WNK4: variants seen among roughly 807,000 people sequenced by gnomAD.
WNK4 encodes the protein serine/threonine-protein kinase WNK4.
In WNK4, 94 loss-of-function variants were observed where a neutral mutation model predicts 116.2. The observed-to-expected ratio is 0.81, with a 90% confidence interval of 0.68 to 0.96. The LOEUF is 0.96. Ranked by LOEUF, WNK4 falls within the 40% of genes least tolerant of loss-of-function variation. WNK4 has a pLI of 0.00. For missense variants in WNK4, 1,542 were observed against 1,650.6 expected (o/e 0.93, Z 1.14); for synonymous variants, 655 against 672.7 (o/e 0.97, Z 0.41).
chr17:42,781,160 G>A lies in WNK4; in HGVS notation c.462G>A (p.Gln154=). 6.2e-7 allele frequency: 1 copy of A among 1,614,142 alleles called. No individual in the cohort carries two copies. Among genetic ancestry groups the A allele is most frequent in the African/African-American group, 1.3e-5 (1 of 75,068 alleles). Residue 154 remains glutamine (Q), a synonymous_variant, in exon 1 of 19, where the codon CAG becomes CAA. Transcript: ENST00000246914. Reference sequence around the variant, plus strand: ...TGGCCCTAGAGCGGCGGCGGGAGCAGGAAGAAAAGGAGGACATGGAGACCC... The same window carrying A: ...TGGCCCTAGAGCGGCGGCGGGAGCAAGAAGAAAAGGAGGACATGGAGACCC... The part of the protein sequence containing the change: ...EAVALERRRE[Q]EEKEDMETQA...
intron 6 of WNK4, among the ~76,000 whole-genome samples, chr17:42,786,745 A>G (rs2054553495): frequency 6.6e-6 from 1 of 152,202 alleles, no homozygotes; most frequent in Admixed American, 6.5e-5. Context: ...GAGACCACCT[A>G]CGGTAGGTCA....
chr17:42,785,936 G>A (rs1464896094), intron 6 of WNK4, among the ~76,000 whole-genome samples: 1 of 152,130 alleles, frequency 6.6e-6, no homozygotes, highest in African/African-American at 2.4e-5. Flanking sequence ...ACCTGAATAA[G>A]TTCCTATCTT....
chr17:42,787,211 A>AGGC, intron 6 of WNK4, 67 bp from the exon 7 acceptor site: 5 of 1,604,212 alleles, frequency 3.1e-6, no homozygotes, highest in Non-Finnish European at 4.2e-6. Flanking sequence ...GTTCCCAAGA[A>AGGC]GGCGTCCTGA....
rs895744241 is a variant in WNK4 at position 42,793,678 on chromosome 17, G to C, written c.2244G>C (p.Leu748Phe). Residue 748 changes from leucine (L) to phenylalanine (F), a missense_variant, in exon 12 of 19, where the codon TTG becomes TTC. Around this residue, in one of 7 missense-constraint regions of WNK4, gnomAD observed 808 missense variants for 873.6 expected, o/e 0.92. Transcript: ENST00000246914. ...TTATCCAGCGAGTGGAGACCCTGTT[G>C]AAGAGAGACACTGGCCCCATGGAGG... The part of the protein sequence containing the change: ...REIIQRVETL[L>F]KRDTGPMEAA... The C allele has an allele frequency of 1.9e-6, 3 of 1,613,966 alleles. No homozygotes were observed. The African/African-American group carries it at 4.0e-5, about 22-fold the overall frequency.
At position 42,782,744 on chromosome 17, in the gene WNK4, C is replaced by T. The variant is rs2054498744; in HGVS notation, c.619-14C>T. On this transcript the variant is annotated splice_polypyrimidine_tract_variant and intron_variant, in intron 1 of 18. Transcript: ENST00000246914. This position sits in a 1 kb window ranked among gnomAD's most constrained non-coding sequence, Gnocchi z 4.2. Reference sequence around the variant, plus strand: ...GTCCTGGGCCTGACATGACACCCGTCCCCCATCCCACAGACTCGGAAACTG... The same window carrying T: ...GTCCTGGGCCTGACATGACACCCGTTCCCCATCCCACAGACTCGGAAACTG... The T allele has an allele frequency of 5.6e-6, 9 of 1,613,782 alleles. No individual in the cohort carries two copies. The Admixed American group carries it at 1.2e-4, about 21-fold the overall frequency.
In WNK4 at chr17:42,788,499, G is replaced by A. The variant is rs563929372; in HGVS notation, c.2040+92G>A. On this transcript the variant is annotated intron_variant, in intron 10 of 18. Transcript: ENST00000246914. Reference sequence around the variant, plus strand: ...GGGGGAGGTCACCCAGAAAACGGGAGAAGCAGTGTATGACTAGTACTCAAG... The same window carrying A: ...GGGGGAGGTCACCCAGAAAACGGGAAAAGCAGTGTATGACTAGTACTCAAG... The A allele has an allele frequency of 2.2e-6, 3 of 1,366,326 alleles. No homozygotes were observed. In the African/African-American group the frequency reaches 4.3e-5, roughly 20 times the overall value. The allele number at this position is 1,366,326 out of a possible 1,614,324, so 84.6% of individuals were successfully genotyped here.
chr17:42,795,437 T>C, intron 14 of WNK4, 24 bp from the exon 15 acceptor site: 1 of 1,614,138 alleles, frequency 6.2e-7, no homozygotes, highest in East Asian at 2.2e-5. Flanking sequence ...CACTCTTCCC[T>C]TCTCATGGCC....
In WNK4 at chr17:42,796,945, A is replaced by G. The variant is rs111588847; in HGVS notation, c.*257A>G. ...CTAGCACCTCCCCTGCCAAGAGTCA[A>G]CCACTAAGCAATCCCACCCAAGCCT... On this transcript the variant is annotated 3_prime_UTR_variant, in exon 19 of 19. Coordinates refer to ENST00000246914, the MANE Select transcript of WNK4 (RefSeq NM_032387.5). The G allele has an allele frequency of 4.8e-5, 32 of 668,304 alleles. 3 individuals are homozygous for G. Among genetic ancestry groups the G allele is most frequent in the Middle Eastern group, 4.3e-4 (1 of 2,350 alleles). 41.4% of individuals were successfully genotyped at this position (668,304 alleles called of 1,614,324 possible).
In WNK4 at chr17:42,784,214, C is replaced by T; in HGVS notation, c.1012+57C>T. Reference sequence around the variant, plus strand: ...CTTCCTCCCCCACCTCAGAAGAGAACCTGGGGACTCCCTCCCCTCAGCAAG... The same window carrying T: ...CTTCCTCCCCCACCTCAGAAGAGAATCTGGGGACTCCCTCCCCTCAGCAAG... On this transcript the variant is annotated intron_variant, in intron 3 of 18. Coordinates refer to ENST00000246914, the MANE Select transcript of WNK4 (RefSeq NM_032387.5). This position sits in a 1 kb window ranked among gnomAD's most constrained non-coding sequence, Gnocchi z 4.4. 3 of 1,594,334 alleles carry T rather than the reference C, an allele frequency of 1.9e-6. No individual in the cohort carries two copies. Among genetic ancestry groups the T allele is most frequent in the Non-Finnish European group, 2.6e-6 (3 of 1,171,724 alleles).
rs1452643330 is a variant in WNK4, at chr17:42,784,162, G to A, written c.1012+5G>A. On this transcript the variant is annotated splice_donor_5th_base_variant and intron_variant, in intron 3 of 18. Coordinates refer to ENST00000246914, the MANE Select transcript of WNK4 (RefSeq NM_032387.5). The surrounding 1 kb of genome is among the most constrained non-coding windows in gnomAD (Gnocchi z 4.4). ...CCTTTGCCAAGAGTGTCATCGGTGC[G>A]TCTCTCCAGGAGGGTCCATGCCATT... The A allele has an allele frequency of 1.9e-6, 3 of 1,604,476 alleles. No homozygotes were observed. Among genetic ancestry groups the A allele is most frequent in the African/African-American group, 1.3e-5 (1 of 75,048 alleles).
rs2054573349 is a variant in WNK4 at position 42,788,287 on chromosome 17, C to T, written c.1923-3C>T. On this transcript the variant is annotated splice_region_variant and splice_polypyrimidine_tract_variant and intron_variant, in intron 9 of 18. Transcript: ENST00000246914. ...GTCATTCTCTCTCCTTTCTCTTTAA[C>T]AGCTATGCCTCAGATGCAGCTTCAG... 2 of 1,614,044 alleles carry T rather than the reference C, an allele frequency of 1.2e-6. No homozygotes were observed. The highest frequency in any genetic ancestry group is 1.7e-6 in the Non-Finnish European group (2 of 1,179,944).
Position 42,794,621 on chromosome 17 carries a change from C to T in WNK4, c.2303C>T (p.Pro768Leu). 6.2e-7 allele frequency: 1 copy of T among 1,613,994 alleles called. No homozygotes were observed. Among genetic ancestry groups the T allele is most frequent in the Non-Finnish European group, 8.5e-7 (1 of 1,179,976 alleles). ...CTCCTTTTTCTGCCTCAGGAGGAGCCAGCACCATTACCTGCCCTGCCCGTC... is the reference window on the plus strand; with the variant it reads ...CTCCTTTTTCTGCCTCAGGAGGAGCTAGCACCATTACCTGCCCTGCCCGTC... ...AEDTLSPQEE[P>L]APLPALPVPL... The change falls in exon 13 of 19, where the codon CCA becomes CTA. Residue 768 changes from proline to leucine, a missense_variant. Physicochemically the swap from Pro to Leu is moderately conservative, Grantham distance 98. Around this residue, in one of 7 missense-constraint regions of WNK4, gnomAD observed 808 missense variants for 873.6 expected, o/e 0.92. Coordinates refer to ENST00000246914, the MANE Select transcript of WNK4 (RefSeq NM_032387.5).
At chr17:42,792,240 AC>A (rs1201311064) in intron 11 of WNK4, among the ~76,000 whole-genome samples, 2 of 152,246 alleles carry the variant, frequency 1.3e-5, no homozygotes, top group Non-Finnish European at 2.9e-5. Context: ...AGAAGTGTCC[AC>A]ACATGGTAGG....
intron 6 of WNK4, 44 bp downstream of exon 6, chr17:42,785,526 CA>C: frequency 6.5e-7 from 1 of 1,548,088 alleles, no homozygotes; most frequent in East Asian, 2.4e-5. Context: ...GTGTAAAGGA[CA>C]TTGACTCGAG....
intron 8 of WNK4, 72 bp from the exon 9 acceptor site, chr17:42,788,058 A>T (rs1249355041): frequency 2.5e-6 from 4 of 1,596,110 alleles, no homozygotes; most frequent in Non-Finnish European, 3.4e-6. Flanking sequence ...TCCTCCCAGC[A>T]TCCTTGACAC....
At chr17:42,786,292 A>G (rs1461552132) in intron 6 of WNK4, among the ~76,000 whole-genome samples, 1 of 152,236 alleles carries the variant, frequency 6.6e-6, no homozygotes, top group Non-Finnish European at 1.5e-5. Flanking sequence ...TGCGGCTAAA[A>G]GGAATGAGGA....
chr17:42,784,368 GGAAGGA>G lies in WNK4; in HGVS notation c.1013-53_1013-48del, dbSNP rs2054518392. 1 of 1,598,194 alleles carries G rather than the reference GGAAGGA, an allele frequency of 6.3e-7. No homozygotes were observed. The highest frequency in any genetic ancestry group is 8.5e-7 in the Non-Finnish European group (1 of 1,172,672). On this transcript the variant is annotated intron_variant, in intron 3 of 18. Transcript: ENST00000246914. The surrounding 1 kb of genome is among the most constrained non-coding windows in gnomAD (Gnocchi z 4.4). Reference sequence around the variant, plus strand: ...TTGCCTGGGGCTGCCTAGCCCAGTGGGAAGGACGAGGCCAGAGTGCCCAGCAATCTG... The same window carrying G: ...TTGCCTGGGGCTGCCTAGCCCAGTGGCGAGGCCAGAGTGCCCAGCAATCTG...
Position 42,781,274 on chromosome 17 carries a change from A to G in WNK4, c.576A>G (p.Leu192=). ...RGSFKTVYRG[L]DTDTTVEVAW... ...CCTTCAAGACGGTGTATCGAGGGCTAGACACCGACACCACAGTGGAGGTGG... is the reference window on the plus strand; with the variant it reads ...CCTTCAAGACGGTGTATCGAGGGCTGGACACCGACACCACAGTGGAGGTGG... The change falls in exon 1 of 19, where the codon CTA becomes CTG. Residue 192 remains leucine (L), a synonymous_variant. Coordinates refer to ENST00000246914, the MANE Select transcript of WNK4 (RefSeq NM_032387.5). 6.2e-7 allele frequency: 1 copy of G among 1,614,150 alleles called. No homozygotes were observed. Among genetic ancestry groups the G allele is most frequent in the East Asian group, 2.2e-5 (1 of 44,880 alleles).
At chr17:42,791,917 T>C (rs894747698) in intron 11 of WNK4, among the ~76,000 whole-genome samples, 1 of 151,170 alleles carries the variant, frequency 6.6e-6, no homozygotes, top group Non-Finnish European at 1.5e-5. Flanking sequence ...GCCACTGCAC[T>C]CCAGCCTGGG....
Sources: gnomAD v4.1 joint callset for allele counts (sites outside exome capture counted in the v4.1 genomes callset) on GRCh38, gnomAD v4.1.1 for gene constraint, gnomAD v4.1.1 regional missense constraint, Gnocchi (gnomAD v3.1) non-coding constraint, MANE v1.5 for transcripts, NCBI Gene and HGNC (gene_info 2026-07-23, HGNC 2026-07-21) for gene names.